Variants in ASRGL1 observed in about 807,000 individuals in gnomAD.
ASRGL1 encodes isoaspartyl peptidase/L-asparaginase.
In ASRGL1, 16 loss-of-function variants were observed where a neutral mutation model predicts 22.4. That is an observed-to-expected ratio of 0.71 (90% CI 0.48 to 1.08). ASRGL1 has a LOEUF of 1.08. Among genes scored for constraint, ASRGL1 ranks in the 50% least tolerant of loss-of-function variants. ASRGL1 has a pLI of 0.00. For missense variants in ASRGL1, 412 were observed against 410.1 expected (o/e 1.00, Z -0.04); for synonymous variants, 165 against 159.3 (o/e 1.04, Z -0.27).
intron 4 of ASRGL1, among the ~76,000 whole-genome samples, chr11:62,387,253 A>G (rs902017935): frequency 6.6e-6 from 1 of 152,086 alleles, no homozygotes; most frequent in Non-Finnish European, 1.5e-5. Flanking sequence ...TTCCTAACTC[A>G]AACTGCCCAG....
chr11:62,364,257 G>A (rs1440470861), intron 4 of ASRGL1, among the ~76,000 whole-genome samples: 13 of 151,882 alleles, frequency 8.6e-5, no homozygotes, highest in East Asian at 5.8e-4. Context: ...GTGTGTGTGC[G>A]CGTGCATGTG....
chr11:62,344,137 C>G (rs1240839511), intron 2 of ASRGL1, among the ~76,000 whole-genome samples: 2 of 151,974 alleles, frequency 1.3e-5, no homozygotes, highest in African/African-American at 4.8e-5. Context: ...ACCTCGTGAT[C>G]CACACACCTC....
intron 2 of ASRGL1, among the ~76,000 whole-genome samples, chr11:62,338,578 A>C (rs935617124): frequency 6.6e-6 from 1 of 152,224 alleles, no homozygotes; most frequent in Non-Finnish European, 1.5e-5. Flanking sequence ...AGTTTTGTCC[A>C]AACACCTGGA....
chr11:62,347,916 G>A (rs778189302), intron 2 of ASRGL1, among the ~76,000 whole-genome samples: 2 of 152,214 alleles, frequency 1.3e-5, no homozygotes, highest in Non-Finnish European at 2.9e-5. Flanking sequence ...GACAGAATGA[G>A]GCTCCATCTA....
intron 4 of ASRGL1, chr11:62,372,011 CA>C: frequency 1.4e-6 from 1 of 701,158 alleles, no homozygotes. Flanking sequence ...CAATATCCGT[CA>C]GAATTTGTGG....
chr11:62,386,857 C>A (rs1224410919), intron 4 of ASRGL1, among the ~76,000 whole-genome samples: 1 of 151,908 alleles, frequency 6.6e-6, no homozygotes. Flanking sequence ...TTCATTTTAG[C>A]CATTCTACTG....
the ASRGL1 span, among the ~76,000 whole-genome samples, chr11:62,399,743 G>A: frequency 1.3e-5 from 2 of 152,204 alleles, no homozygotes; most frequent in Non-Finnish European, 2.9e-5. Context: ...ATGGGGTACA[G>A]TTGGCCCCTG....
intron 2 of ASRGL1, among the ~76,000 whole-genome samples, chr11:62,349,977 G>A (rs890908065): frequency 3.3e-4 from 50 of 152,106 alleles, no homozygotes; most frequent in Non-Finnish European, 8.8e-5. Flanking sequence ...TCTTGGGTTT[G>A]GTGGGGTTTG....
At chr11:62,375,870 G>A (rs1019441724) in intron 4 of ASRGL1, among the ~76,000 whole-genome samples, 3 of 151,928 alleles carry the variant, frequency 2.0e-5, no homozygotes, top group African/African-American at 7.2e-5. Flanking sequence ...CCAGCACTTT[G>A]GGAGGCCGAG....
At chr11:62,349,303 G>A (rs1236233851) in intron 2 of ASRGL1, among the ~76,000 whole-genome samples, 1 of 152,138 alleles carries the variant, frequency 6.6e-6, no homozygotes, top group African/African-American at 2.4e-5. Flanking sequence ...AAGCAGTTGC[G>A]TTTGGGGCAA....
chr11:62,396,912 T>G (rs1252187371), downstream of ASRGL1, among the ~76,000 whole-genome samples: 2 of 152,208 alleles, frequency 1.3e-5, no homozygotes, highest in South Asian at 2.1e-4. Flanking sequence ...GAAAAGAGGT[T>G]GAGTCTTCCT....
At position 62,356,416 on chromosome 11, in the gene ASRGL1, A is replaced by G. The variant is rs754170218; in HGVS notation, c.282A>G (p.Ala94=). The change falls in exon 3 of 7, where the codon GCA becomes GCG. Residue 94 remains alanine, a synonymous_variant. Coordinates refer to ENST00000415229, the MANE Select transcript of ASRGL1 (RefSeq NM_001083926.2). ...GKDLSAGAVS[A]VQCIANPIKL... ...ACCTGTCTGCAGGAGCAGTGTCCGC[A>G]GTCCAGTGTATAGCAAATCCCATTA... The G allele has an allele frequency of 7.4e-6, 12 of 1,614,130 alleles. No homozygotes were observed. In the African/African-American group the frequency reaches 1.1e-4, roughly 14 times the overall value.
At chr11:62,361,982 T>C (rs190910900) in intron 4 of ASRGL1, among the ~76,000 whole-genome samples, 94 of 152,310 alleles carry the variant, frequency 6.2e-4, no homozygotes, top group African/African-American at 2.2e-3. Flanking sequence ...TTTTAGACAC[T>C]AATTTCAAGG....
intron 4 of ASRGL1, among the ~76,000 whole-genome samples, chr11:62,375,428 TTATATATATATA>T (rs71053051): frequency 0.054 from 3,700 of 68,604 alleles, 130 homozygotes; most frequent in Non-Finnish European, 0.065. Context: ...TTGTCTTACT[TTATATATATATA>T]TATATATATA....
intron 4 of ASRGL1, among the ~76,000 whole-genome samples, chr11:62,362,477 AAT>A (rs1182619078): frequency 8.6e-6 from 1 of 115,828 alleles, no homozygotes; most frequent in African/African-American, 3.3e-5. Flanking sequence ...TATTATATAA[AAT>A]ATATATAATA....
chr11:62,376,100 C>CAAAAAA (rs35931241), intron 4 of ASRGL1, among the ~76,000 whole-genome samples: 5 of 51,560 alleles, frequency 9.7e-5, no homozygotes, highest in Admixed American at 3.0e-4. Flanking sequence ...GACTCCATCT[C>CAAAAAA]AAAAAAAAAA....
At chr11:62,369,264 G>T (rs1194752434) in intron 4 of ASRGL1, among the ~76,000 whole-genome samples, 2 of 152,096 alleles carry the variant, frequency 1.3e-5, no homozygotes, top group Non-Finnish European at 2.9e-5. Flanking sequence ...ATCCTGTATA[G>T]CCATAAATCC....
chr11:62,377,503 A>G (rs1261497564), intron 4 of ASRGL1, among the ~76,000 whole-genome samples: 1 of 152,190 alleles, frequency 6.6e-6, no homozygotes, highest in Non-Finnish European at 1.5e-5. Context: ...TTTTGGCCCT[A>G]TGTAAGCTGC....
At chr11:62,388,775 G>A (rs1947272215) in intron 4 of ASRGL1, among the ~76,000 whole-genome samples, 1 of 151,490 alleles carries the variant, frequency 6.6e-6, no homozygotes, top group South Asian at 2.1e-4. Context: ...GAGTCTCTGT[G>A]GGCCCAAGCA....
Sources: gnomAD v4.1 joint callset for allele counts (sites outside exome capture counted in the v4.1 genomes callset) on GRCh38, gnomAD v4.1.1 for gene constraint, MANE v1.5 for transcripts, NCBI Gene and HGNC (gene_info 2026-07-23, HGNC 2026-07-21) for gene names.